Variants in CNTNAP3B observed in about 807,000 individuals in gnomAD.
CNTNAP3B encodes contactin associated protein family member 3B.
Under a neutral mutation model 108.9 loss-of-function variants are expected in CNTNAP3B, and 25 were observed. The observed-to-expected ratio is 0.23, with a 90% CI of 0.17 to 0.32. The LOEUF (loss-of-function observed/expected upper bound fraction) is 0.32, where lower values mean the gene tolerates loss of function less well. Ranked by LOEUF, CNTNAP3B falls within the 10% of genes least tolerant of loss-of-function variation. The pLI, the probability that CNTNAP3B is intolerant of heterozygous loss-of-function variation, is 1.00. For missense variants in CNTNAP3B, 252 were observed against 1,210.4 expected (o/e 0.21, Z 11.75); for synonymous variants, 103 against 473.4 (o/e 0.22, Z 10.16).
intron 12 of CNTNAP3B, among the ~76,000 whole-genome samples, chr9:41,954,708 G>A (rs1824802256): frequency 6.6e-6 from 1 of 152,196 alleles, no homozygotes; most frequent in Non-Finnish European, 1.5e-5. Flanking sequence ...TTTGAGATAA[G>A]AGTCTCGCTC....
chr9:41,916,431 T>C (rs576544899), intron 18 of CNTNAP3B, among the ~76,000 whole-genome samples: 59 of 152,040 alleles, frequency 3.9e-4, no homozygotes, highest in African/African-American at 1.3e-3. Flanking sequence ...TATTTGTTTT[T>C]TGTGTGTAGA....
At chr9:42,074,897 T>A (rs1333367604) in intron 3 of CNTNAP3B, among the ~76,000 whole-genome samples, 1 of 142,804 alleles carries the variant, frequency 7.0e-6, no homozygotes, top group Non-Finnish European at 1.5e-5. Context: ...CTTTAGAGGC[T>A]GAGTTAGTTT....
intron 3 of CNTNAP3B, among the ~76,000 whole-genome samples, chr9:42,051,775 T>C (rs1360045570): frequency 3.0e-4 from 45 of 151,770 alleles, no homozygotes; most frequent in African/African-American, 9.7e-4. Flanking sequence ...CCAGAGTAAA[T>C]TTACATTGTG....
At chr9:41,971,008 T>G (rs1423257687) in intron 9 of CNTNAP3B, among the ~76,000 whole-genome samples, 30 of 151,252 alleles carry the variant, frequency 2.0e-4, no homozygotes, top group African/African-American at 6.9e-4. Flanking sequence ...TTTGATTATT[T>G]CCAATATTAG....
chr9:41,954,910 T>C (rs1824808794), intron 12 of CNTNAP3B, among the ~76,000 whole-genome samples: 1 of 152,118 alleles, frequency 6.6e-6, no homozygotes, highest in Admixed American at 6.6e-5. Flanking sequence ...GGTCTTGAAC[T>C]CCCAACCTCA....
intron 12 of CNTNAP3B, among the ~76,000 whole-genome samples, chr9:41,958,812 C>A (rs1312262561): frequency 4.6e-5 from 7 of 150,952 alleles, no homozygotes; most frequent in Non-Finnish European, 1.0e-4. Context: ...CTCTGGTGTA[C>A]TTCAAGACGG....
chr9:41,935,895 G>A (rs546059281), intron 14 of CNTNAP3B, among the ~76,000 whole-genome samples: 1 of 152,278 alleles, frequency 6.6e-6, no homozygotes, highest in African/African-American at 2.4e-5. Context: ...ATGGCTAAGG[G>A]TATCAGAGGA....
chr9:41,945,524 C>A (rs1415742275), intron 13 of CNTNAP3B, among the ~76,000 whole-genome samples: 2 of 152,298 alleles, frequency 1.3e-5, no homozygotes, highest in Admixed American at 6.5e-5. Flanking sequence ...GGACAAAAAA[C>A]CAAACACTGC....
intron 12 of CNTNAP3B, among the ~76,000 whole-genome samples, chr9:41,957,484 C>T (rs555772277): frequency 8.0e-6 from 1 of 124,254 alleles, no homozygotes; most frequent in South Asian, 3.0e-4. Flanking sequence ...ATTGAGGTAT[C>T]TCTAAGCTTA....
At chr9:42,094,078 C>T (rs1430422750) in intron 2 of CNTNAP3B, among the ~76,000 whole-genome samples, 2 of 136,768 alleles carry the variant, frequency 1.5e-5, no homozygotes, top group Non-Finnish European at 3.1e-5. Flanking sequence ...TGGATGATTC[C>T]AAGCTTATCC....
intron 2 of CNTNAP3B, among the ~76,000 whole-genome samples, chr9:42,087,276 G>A (rs1400782238): frequency 7.3e-6 from 1 of 137,506 alleles, no homozygotes. Context: ...TGGAGAGACA[G>A]TCCACTTTAA....
Position 42,001,101 on chromosome 9 carries a change from T to G in CNTNAP3B, c.539-2497A>C, listed in dbSNP as rs1201976876. 1.9e-4 allele frequency among the ~76,000 whole-genome samples: 8 copies of G among 41,292 alleles called. No homozygotes were observed. In the Admixed American group the frequency reaches 2.3e-3, roughly 12 times the overall value. The allele number at this position is 41,292 out of a possible 152,430, so 27.1% of individuals were successfully genotyped here. A position where few individuals can be genotyped will look rare whatever the true frequency, so the allele number is the denominator to read the frequency against. On this transcript the variant is annotated intron_variant, in intron 4 of 23. Coordinates refer to ENST00000377561, the MANE Select transcript of CNTNAP3B (RefSeq NM_001201380.3). Reference sequence around the variant, plus strand: ...CTAAAAGGTAAACTCTCTTCTCACTTGTCCACAAAAGTCATACTTTTAGCA... The same window carrying G: ...CTAAAAGGTAAACTCTCTTCTCACTGGTCCACAAAAGTCATACTTTTAGCA...
rs534426369 is a variant in CNTNAP3B at position 41,990,145 on chromosome 9, T to C, written c.1333+1465A>G. Among the ~76,000 whole-genome samples the C allele has an allele frequency of 6.9e-3, 916 of 133,246 alleles. 70 individuals carry two copies. The highest frequency in any genetic ancestry group is 0.01 in the Non-Finnish European group (654 of 63,022). The allele number at this position is 133,246 out of a possible 152,430, so 87.4% of individuals were successfully genotyped here. On this transcript the variant is annotated intron_variant, in intron 8 of 23. Coordinates refer to ENST00000377561, the MANE Select transcript of CNTNAP3B (RefSeq NM_001201380.3). ...ACAGTCTGGCTTAATACTTATTCCA[T>C]AATAAGACTATTTCATTTCTACCTT...
chr9:41,942,836 C>G (rs1394849512), intron 13 of CNTNAP3B, among the ~76,000 whole-genome samples: 1 of 151,788 alleles, frequency 6.6e-6, no homozygotes, highest in Non-Finnish European at 1.5e-5. Context: ...TGGCCTCTGA[C>G]ACAACAGTTA....
chr9:41,982,222 G>T, intron 9 of CNTNAP3B, among the ~76,000 whole-genome samples: 2 of 57,096 alleles, frequency 3.5e-5, no homozygotes, highest in Middle Eastern at 0.011. Context: ...TGACAAATGG[G>T]ACCTAATTAA....
At chr9:41,966,101 G>A (rs1243745288) in intron 10 of CNTNAP3B, among the ~76,000 whole-genome samples, 1 of 152,288 alleles carries the variant, frequency 6.6e-6, no homozygotes, top group Non-Finnish European at 1.5e-5. Context: ...GGGGGAGCTG[G>A]AGCGACAGGC....
At chr9:42,012,278 C>T (rs1214742556) in intron 4 of CNTNAP3B, among the ~76,000 whole-genome samples, 2 of 116,996 alleles carry the variant, frequency 1.7e-5, no homozygotes, top group Non-Finnish European at 3.5e-5. Context: ...GTTATAGGTC[C>T]CAGAAAACAC....
At chr9:41,927,512 TGGGAGGGAGGAAGGGAAGGAGAGAAAGA>T (rs1823854423) in intron 15 of CNTNAP3B, among the ~76,000 whole-genome samples, 1 of 125,198 alleles carries the variant, frequency 8.0e-6, no homozygotes, top group Non-Finnish European at 1.6e-5. Context: ...CCAGACTGAA[TGGGAGGGAGGAAGGGAAGGAGAGAAAGA>T]GGGAGGGAGG....
rs570368450 is a variant in CNTNAP3B, at chr9:42,077,045, G to A, written c.214C>T (p.Pro72Ser). The A allele has an allele frequency of 8.2e-4, 1,256 of 1,535,102 alleles. 212 individuals carry two copies. The highest frequency in any genetic ancestry group is 8.9e-4 in the Non-Finnish European group (1,008 of 1,137,384). The change falls in exon 3 of 24, where the codon CCA becomes TCA. Residue 72 changes from proline to serine, a missense_variant. Physicochemically the swap from Pro to Ser is moderately conservative, Grantham distance 74. Coordinates refer to ENST00000377561, the MANE Select transcript of CNTNAP3B (RefSeq NM_001201380.3). ...NRRDGAGGWT[P>S]LVSNKYQWLQ... ...CATTGGTATTTATTTGACACAAGTG[G>A]GGTCCAGCCACCAGCTCCTTTTTTG...
Sources: allele counts gnomAD v4.1 joint callset (sites outside exome capture counted in the v4.1 genomes callset), GRCh38; gene constraint gnomAD v4.1.1; transcripts MANE v1.5; gene names NCBI Gene and HGNC (gene_info 2026-07-23, HGNC 2026-07-21).